Variants in RASSF2 observed in about 807,000 individuals in gnomAD.
RASSF2 encodes the protein ras association domain-containing protein 2.
RASSF2 carries 34 observed loss-of-function variants against 46.3 expected under a neutral mutation model. The ratio of observed to expected loss-of-function variants is 0.73; its 90% confidence interval spans 0.56 to 0.98. The LOEUF (loss-of-function observed/expected upper bound fraction) is 0.98. Ranked by LOEUF, RASSF2 falls within the 50% of genes least tolerant of loss-of-function variation. The pLI, the probability that RASSF2 is intolerant of heterozygous loss-of-function variation, is 0.00. For missense variants in RASSF2, 364 were observed against 431.2 expected, an observed-to-expected ratio of 0.84 and a Z score of 1.38; for synonymous variants, 158 against 162.5, an observed-to-expected ratio of 0.97 and a Z score of 0.21.
chr20:4,785,527 A>G (rs907218493), intron 11 of RASSF2, among the ~76,000 whole-genome samples: 2 of 152,238 alleles, frequency 1.3e-5, no homozygotes, highest in African/African-American at 4.8e-5. Context: ...TAAACATAGC[A>G]AAGAAATCAC....
chr20:4,797,979 C>G (rs1275176705), intron 4 of RASSF2, 31 bp downstream of exon 4: 2 of 1,612,464 alleles, frequency 1.2e-6, no homozygotes, highest in Middle Eastern at 1.8e-4. Flanking sequence ...CCTGGACTAG[C>G]CAATCAGGGC....
intron 2 of RASSF2, among the ~76,000 whole-genome samples, chr20:4,809,595 T>C (rs1927608795): frequency 6.6e-6 from 1 of 152,148 alleles, no homozygotes; most frequent in Non-Finnish European, 1.5e-5. Context: ...TGCACCCGGG[T>C]TATCATGATT....
chr20:4,786,123 A>G, intron 11 of RASSF2, 108 bp downstream of exon 11: 2 of 892,624 alleles, frequency 2.2e-6, no homozygotes. Context: ...GAAAGCCGAG[A>G]CTCAGGCCCA....
At chr20:4,794,232 C>A (rs1490165255) in intron 5 of RASSF2, among the ~76,000 whole-genome samples, 2 of 152,112 alleles carry the variant, frequency 1.3e-5, no homozygotes, top group African/African-American at 4.8e-5. Flanking sequence ...TGAGACCAAC[C>A]TGTGCAACAT....
intron 2 of RASSF2, among the ~76,000 whole-genome samples, chr20:4,803,217 A>T (rs1404182838): frequency 1.3e-5 from 2 of 151,888 alleles, no homozygotes. Flanking sequence ...AGCCCACAAT[A>T]TATTTTTTAA....
In RASSF2 at chr20:4,795,875, C is replaced by T. The variant is rs754308859; in HGVS notation, c.227G>A (p.Arg76His). 8.7e-6 allele frequency: 14 copies of T among 1,610,000 alleles called. No homozygotes were observed. The highest frequency in any genetic ancestry group is 1.1e-5 in the Non-Finnish European group (13 of 1,177,640). Residue 76 changes from arginine to histidine, a missense_variant, in exon 5 of 12, where the codon CGC (arginine) becomes CAC (histidine). Arg to His is a conservative substitution (Grantham distance 29). Transcript: ENST00000379400. This position sits in a 1 kb window ranked among gnomAD's most constrained non-coding sequence, Gnocchi z 4.0. Reference protein sequence around the residue: ...IRLQMQDDNERIRPPPSSSSW... With the variant: ...IRLQMQDDNEHIRPPPSSSSW... ...GGAGGAGGATGGAGGGGGTCGAATG[C>T]GTTCGTTGTCATCCTGCATCTGCAG...
intron 4 of RASSF2, among the ~76,000 whole-genome samples, chr20:4,797,520 G>A (rs926726837): frequency 1.3e-5 from 2 of 152,156 alleles, no homozygotes; most frequent in Non-Finnish European, 1.5e-5. Flanking sequence ...GGAATCAGAT[G>A]AGTAACAAAA....
intron 9 of RASSF2, 114 bp from the exon 10 acceptor site, chr20:4,787,868 T>A: frequency 7.4e-7 from 1 of 1,347,276 alleles, no homozygotes; most frequent in Non-Finnish European, 1.0e-6. Flanking sequence ...GTCAGGAGAC[T>A]GATTTATAAG....
intron 2 of RASSF2, among the ~76,000 whole-genome samples, chr20:4,821,365 G>A (rs1306161478): frequency 6.6e-6 from 1 of 152,118 alleles, no homozygotes; most frequent in Non-Finnish European, 1.5e-5. Context: ...TGATGTGGCT[G>A]CAGATACAGC....
At position 4,782,389 on chromosome 20, in the gene RASSF2, TCACAG is replaced by T. The variant is rs909099091; in HGVS notation, c.*1879_*1883del. 6.6e-6 allele frequency: 1 copy of T among 152,658 alleles called. No homozygotes were observed. The highest frequency in any genetic ancestry group is 2.4e-5 in the African/African-American group (1 of 41,460). 9.5% of individuals were successfully genotyped at this position (152,658 alleles called of 1,614,324 possible). A position where few individuals can be genotyped will look rare whatever the true frequency, so the allele number is the denominator to read the frequency against. ...TGCAAAACTCAGGAGGTGTTTGCAT[TCACAG>T]AACTGTTCTTTCCCAGCTGTAACAA... On this transcript the variant is annotated 3_prime_UTR_variant, in exon 12 of 12. Coordinates refer to ENST00000379400, the MANE Select transcript of RASSF2 (RefSeq NM_014737.3).
intron 6 of RASSF2, among the ~76,000 whole-genome samples, chr20:4,791,222 G>T (rs570328554): frequency 6.6e-6 from 1 of 152,300 alleles, no homozygotes; most frequent in South Asian, 2.1e-4. Flanking sequence ...CAGAGACAGA[G>T]AGTAGAATGG....
At chr20:4,802,898 A>G (rs1214437908) in intron 2 of RASSF2, among the ~76,000 whole-genome samples, 1 of 93,392 alleles carries the variant, frequency 1.1e-5, no homozygotes, top group Non-Finnish European at 2.5e-5. Context: ...ATATATATAC[A>G]TATATATATA....
At position 4,806,798 on chromosome 20, in the gene RASSF2, C is replaced by T. The variant is rs987549935; in HGVS notation, c.-32-5736G>A. On this transcript the variant is annotated intron_variant, in intron 2 of 11. Coordinates refer to ENST00000379400, the MANE Select transcript of RASSF2 (RefSeq NM_014737.3). ...CTCTCTAGCACTATGCATCCATCCACCCCGGCAGCTACCCTCCATTTCCTT... is the reference window on the plus strand; with the variant it reads ...CTCTCTAGCACTATGCATCCATCCATCCCGGCAGCTACCCTCCATTTCCTT... Among the ~76,000 whole-genome samples, 6 of 152,154 alleles carry T rather than the reference C, an allele frequency of 3.9e-5. 1 individual carries two copies. Among genetic ancestry groups the T allele is most frequent in the Non-Finnish European group, 1.5e-5 (1 of 68,036 alleles).
chr20:4,785,134 A>G (rs1925194459), intron 11 of RASSF2, among the ~76,000 whole-genome samples: 1 of 127,292 alleles, frequency 7.9e-6, no homozygotes, highest in South Asian at 2.4e-4. Flanking sequence ...ACATGGCAAA[A>G]CCCCGTCTCT....
Position 4,818,720 on chromosome 20 carries a change from C to T in RASSF2, c.-33+3609G>A, listed in dbSNP as rs534010858. ...GGAATACAAACCATGTGCAGGTGAC[C>T]TCAGTTTCCTCACCTAACCTAAGAG... is the stretch of plus-strand genomic sequence containing the variant. On this transcript the variant is annotated intron_variant, in intron 2 of 11. Transcript: ENST00000379400. Among the ~76,000 whole-genome samples, 4 of 152,320 alleles carry T rather than the reference C, an allele frequency of 2.6e-5. No homozygotes were observed. The South Asian group carries it at 8.3e-4, about 32-fold the overall frequency.
intron 8 of RASSF2, among the ~76,000 whole-genome samples, chr20:4,789,298 G>A (rs572065585): frequency 1.5e-4 from 23 of 152,234 alleles, no homozygotes; most frequent in Admixed American, 5.9e-4. Flanking sequence ...CTCAAACTTC[G>A]GTAGGCATCC....
Position 4,786,276 on chromosome 20 carries a change from T to C in RASSF2, c.866A>G (p.Lys289Arg), listed in dbSNP as rs1327831366. The change falls in exon 11 of 12, where the codon AAG (lysine) becomes AGG (arginine). Residue 289 changes from lysine to arginine, a missense_variant. Physicochemically the swap from Lys to Arg is conservative, Grantham distance 26. Coordinates refer to ENST00000379400, the MANE Select transcript of RASSF2 (RefSeq NM_014737.3). Reference protein sequence around the residue: ...EMPVLKSFIQKLQEEEDREVK... With the variant: ...EMPVLKSFIQRLQEEEDREVK... Reference sequence around the variant, plus strand: ...TTCCCGATCTTCTTCCTCCTGGAGCTTCTGAATGAAGCTTTTAAGTACCGG... The same window carrying C: ...TTCCCGATCTTCTTCCTCCTGGAGCCTCTGAATGAAGCTTTTAAGTACCGG... The C allele has an allele frequency of 1.2e-6, 2 of 1,613,770 alleles. No individual in the cohort carries two copies. The highest frequency in any genetic ancestry group is 2.7e-5 in the African/African-American group (2 of 75,036).
chr20:4,789,705 T>C lies in RASSF2; in HGVS notation c.538-8A>G. ...TGGTGTGAACACGGATGTCTGTCAA[T>C]AGAAGGGCCCAGCTCAGGGTGGGAG... On this transcript the variant is annotated splice_polypyrimidine_tract_variant and splice_region_variant and intron_variant, in intron 7 of 11. Transcript: ENST00000379400. 1.9e-6 allele frequency: 3 copies of C among 1,612,658 alleles called. No individual in the cohort carries two copies. Among genetic ancestry groups the C allele is most frequent in the Non-Finnish European group, 2.5e-6 (3 of 1,178,898 alleles).
rs779659778 is a variant in RASSF2 at position 4,790,976 on chromosome 20, G to A, written c.377-365C>T. ...TAGTATACATAAAGCACTTAGAATA[G>A]TGCCTGGCACAGGATAAGCATGATA... is the stretch of plus-strand genomic sequence containing the variant. On this transcript the variant is annotated intron_variant, in intron 6 of 11. Coordinates refer to ENST00000379400, the MANE Select transcript of RASSF2 (RefSeq NM_014737.3). This position sits in a 1 kb window ranked among gnomAD's most constrained non-coding sequence, Gnocchi z 4.3. Among the ~76,000 whole-genome samples the A allele has an allele frequency of 9.2e-5, 14 of 152,168 alleles. No homozygotes were observed. Among genetic ancestry groups the A allele is most frequent in the South Asian group, 2.1e-4 (1 of 4,830 alleles).
Sources: gnomAD v4.1 joint callset for allele counts (sites outside exome capture counted in the v4.1 genomes callset) on GRCh38, gnomAD v4.1.1 for gene constraint, Gnocchi (gnomAD v3.1) non-coding constraint, MANE v1.5 for transcripts, NCBI Gene and HGNC (gene_info 2026-07-23, HGNC 2026-07-21) for gene names.